ANKS1B: variants seen among roughly 807,000 people sequenced by gnomAD.
The protein encoded by ANKS1B is ankyrin repeat and sterile alpha motif domain-containing protein 1B.
A neutral mutation model predicts 148.3 loss-of-function variants in ANKS1B; 36 were observed. The ratio of observed to expected loss-of-function variants is 0.24; its 90% confidence interval spans 0.19 to 0.32. The LOEUF (loss-of-function observed/expected upper bound fraction) is 0.32, where lower values mean the gene tolerates loss of function less well. ANKS1B is among the 10% of genes least tolerant of loss of function. The probability of loss-of-function intolerance (pLI) is 1.00; values close to 1 mark genes in which losing one functional copy is unlikely to be tolerated. For missense variants in ANKS1B, 1,157 were observed against 1,542.6 expected (o/e 0.75, Z 4.19); for synonymous variants, 542 against 560.8 (o/e 0.97, Z 0.47).
chr12:99,053,118 G>T, intron 17 of ANKS1B, 39 bp downstream of exon 17: 1 of 1,523,476 alleles, frequency 6.6e-7, no homozygotes, highest in Non-Finnish European at 8.8e-7. Flanking sequence ...CATTTATCAA[G>T]GGTTGAATAG....
intron 17 of ANKS1B, among the ~76,000 whole-genome samples, chr12:98,999,280 G>T (rs1486816290): frequency 1.3e-5 from 2 of 152,232 alleles, no homozygotes; most frequent in African/African-American, 4.8e-5. Context: ...GCACAGCCAA[G>T]GGGCTACATT....
In ANKS1B at chr12:98,744,667, T is replaced by C; in HGVS notation, c.*1072A>G. 2 of 938,380 alleles carry C rather than the reference T, an allele frequency of 2.1e-6. No homozygotes were observed. The highest frequency in any genetic ancestry group is 5.5e-4 in the Middle Eastern group (1 of 1,822). 58.1% of individuals were successfully genotyped at this position (938,380 alleles called of 1,614,324 possible). On this transcript the variant is annotated 3_prime_UTR_variant, in exon 27 of 27. Coordinates refer to ENST00000683438, the MANE Select transcript of ANKS1B (RefSeq NM_001352186.2). Reference sequence around the variant, plus strand: ...TTGTCTCAAGAAAAGTTTTATTACTTTGGAATTTCTTCTTTTTTTTTTTTG... The same window carrying C: ...TTGTCTCAAGAAAAGTTTTATTACTCTGGAATTTCTTCTTTTTTTTTTTTG...
chr12:99,395,716 G>T (rs1349082463), intron 12 of ANKS1B, among the ~76,000 whole-genome samples: 1 of 152,014 alleles, frequency 6.6e-6, no homozygotes, highest in Non-Finnish European at 1.5e-5. Flanking sequence ...CTTTTTTGAT[G>T]ATTCACAAGT....
At chr12:99,077,609 C>T (rs2048291145) in intron 16 of ANKS1B, among the ~76,000 whole-genome samples, 1 of 152,162 alleles carries the variant, frequency 6.6e-6, no homozygotes. Context: ...CACTTTTCCG[C>T]TAAAGCGTAC....
At chr12:98,872,907 C>T (rs532923133) in intron 17 of ANKS1B, among the ~76,000 whole-genome samples, 14 of 152,336 alleles carry the variant, frequency 9.2e-5, no homozygotes, top group African/African-American at 3.4e-4. Context: ...TTCCTCCAGC[C>T]TCTGTGCCTG....
chr12:99,270,055 A>G (rs2076878135), intron 12 of ANKS1B, among the ~76,000 whole-genome samples: 2 of 152,178 alleles, frequency 1.3e-5, no homozygotes, highest in Admixed American at 1.3e-4. Context: ...TAACAAACAG[A>G]GTCCCTTGAT....
chr12:99,757,679 G>C (rs1201715122), intron 8 of ANKS1B, among the ~76,000 whole-genome samples: 1 of 151,990 alleles, frequency 6.6e-6, no homozygotes, highest in Non-Finnish European at 1.5e-5. Context: ...CAAAGAGATG[G>C]AATCAACCTA....
intron 12 of ANKS1B, among the ~76,000 whole-genome samples, chr12:99,269,746 A>G (rs2076837252): frequency 1.3e-5 from 2 of 152,142 alleles, no homozygotes; most frequent in South Asian, 4.1e-4. Flanking sequence ...TTTTTAGTAG[A>G]GACAGGGTTT....
At chr12:99,752,714 A>C (rs951179223) in intron 8 of ANKS1B, among the ~76,000 whole-genome samples, 1 of 151,928 alleles carries the variant, frequency 6.6e-6, no homozygotes, top group Non-Finnish European at 1.5e-5. Context: ...TTATATATAC[A>C]ACTTATAATT....
chr12:98,913,207 A>G (rs1327243442), intron 17 of ANKS1B, among the ~76,000 whole-genome samples: 2 of 152,146 alleles, frequency 1.3e-5, no homozygotes, highest in African/African-American at 2.4e-5. Flanking sequence ...TTCCAGTCAG[A>G]TGTTCTCCCA....
chr12:99,057,607 G>A lies in ANKS1B; in HGVS notation c.2626-4298C>T, dbSNP rs544070233. 3.5e-4 allele frequency among the ~76,000 whole-genome samples: 53 copies of A among 152,164 alleles called. No individual in the cohort carries two copies. The South Asian group carries it at 0.011, about 32-fold the overall frequency. On this transcript the variant is annotated intron_variant, in intron 16 of 26. Transcript: ENST00000683438. ...ATTGAACTGTTTATTCCAATTCTTC[G>A]TTCTCTTACTGTATTAGAATTATGC...
chr12:99,436,534 A>G (rs2095463917), intron 11 of ANKS1B, among the ~76,000 whole-genome samples: 1 of 151,994 alleles, frequency 6.6e-6, no homozygotes, highest in South Asian at 2.1e-4. Flanking sequence ...TCTGTTTTTT[A>G]CATACCCACT....
chr12:99,003,577 GT>G (rs1253992694), intron 17 of ANKS1B, among the ~76,000 whole-genome samples: 3 of 152,154 alleles, frequency 2.0e-5, no homozygotes, highest in Admixed American at 6.5e-5. Flanking sequence ...ATATTTTAAA[GT>G]TTGATATTCT....
At chr12:98,921,630 G>T (rs2152911043) in intron 17 of ANKS1B, among the ~76,000 whole-genome samples, 1 of 152,242 alleles carries the variant, frequency 6.6e-6, no homozygotes, top group South Asian at 2.1e-4. Context: ...AGAGCAGAGG[G>T]TGTGAAGAAT....
rs965865458 is a variant in ANKS1B at position 98,894,147 on chromosome 12, G to A, written c.2779-62011C>T. Among the ~76,000 whole-genome samples the A allele has an allele frequency of 4.6e-5, 7 of 152,282 alleles. No individual in the cohort carries two copies. The South Asian group carries it at 1.5e-3, about 32-fold the overall frequency. ...AGAAAGAAATACGAGGGAAGAGAGAGGGAGCACACTCCACACCAACCTTGC... is the reference window on the plus strand; with the variant it reads ...AGAAAGAAATACGAGGGAAGAGAGAAGGAGCACACTCCACACCAACCTTGC... On this transcript the variant is annotated intron_variant, in intron 17 of 26. Transcript: ENST00000683438.
chr12:99,240,194 G>A (rs1353028174), intron 14 of ANKS1B, among the ~76,000 whole-genome samples: 1 of 152,050 alleles, frequency 6.6e-6, no homozygotes, highest in African/African-American at 2.4e-5. Flanking sequence ...ACACACATAG[G>A]CTCAAAATAA....
rs1012215330 is a variant in ANKS1B, at chr12:99,312,845, A to C, written c.1757-65981T>G. 5.3e-5 allele frequency among the ~76,000 whole-genome samples: 8 copies of C among 152,274 alleles called. No homozygotes were observed. In the South Asian group the frequency reaches 1.7e-3, roughly 32 times the overall value. On this transcript the variant is annotated intron_variant, in intron 12 of 26. Transcript: ENST00000683438. ...AGAAAGATCTCAAATCGATACCCTA[A>C]CATCACAATTAAAAGAGCTAGAGAA... is the stretch of plus-strand genomic sequence containing the variant.
At chr12:99,714,268 C>T (rs1399794638) in intron 8 of ANKS1B, among the ~76,000 whole-genome samples, 1 of 152,100 alleles carries the variant, frequency 6.6e-6, no homozygotes, top group Non-Finnish European at 1.5e-5. Context: ...CTCATAAGAA[C>T]CCTTGTGATT....
chr12:99,565,074 C>T (rs948752091), intron 9 of ANKS1B, among the ~76,000 whole-genome samples: 2 of 152,130 alleles, frequency 1.3e-5, no homozygotes, highest in African/African-American at 4.8e-5. Flanking sequence ...ATAAATGATA[C>T]TCTTATTCTT....
Sources: allele counts gnomAD v4.1 joint callset (sites outside exome capture counted in the v4.1 genomes callset), GRCh38; gene constraint gnomAD v4.1.1; transcripts MANE v1.5; gene names NCBI Gene and HGNC (gene_info 2026-07-23, HGNC 2026-07-21).